The following ENTHD1 variants were observed in gnomAD, a reference collection of about 807,000 sequenced individuals.
ENTHD1 encodes the protein ENTH domain-containing protein 1.
Under a neutral mutation model 39.1 loss-of-function variants are expected in ENTHD1, and 23 were observed. The ratio of observed to expected loss-of-function variants is 0.59; its 90% CI spans 0.42 to 0.83. The LOEUF is 0.83. Among genes scored for constraint, ENTHD1 ranks in the 40% least tolerant of loss-of-function variants. The pLI, the probability that ENTHD1 is intolerant of heterozygous loss-of-function variation, is 0.00. For missense variants in ENTHD1, 624 were observed against 705.4 expected (o/e 0.88, Z 1.31); for synonymous variants, 230 against 258.2 (o/e 0.89, Z 1.05).
chr22:39,817,402 T>C (rs1002653845), intron 5 of ENTHD1, among the ~76,000 whole-genome samples: 1 of 152,102 alleles, frequency 6.6e-6, no homozygotes, highest in African/African-American at 2.4e-5. Flanking sequence ...ATATGGCAAA[T>C]CTCTACACAT....
In ENTHD1 at chr22:39,744,172, G is replaced by A. The variant is rs532011940; in HGVS notation, c.1331C>T (p.Pro444Leu). ...AHLLSPILAG[P>L]SFWTLSHQQL... The stretch of plus-strand genomic sequence containing the variant: ...TTGATGGGACAGAGTCCAGAAGGAA[G>A]GTCCGGCCAGAATTGGTGATAAGAG... Residue 444 changes from proline to leucine, a missense_variant, in exon 7 of 7, where the codon CCT becomes CTT. Pro to Leu is a moderately conservative substitution (Grantham distance 98). Transcript: ENST00000325157. 14 of 1,614,092 alleles carry A rather than the reference G, an allele frequency of 8.7e-6. 2 individuals are homozygous for A. The South Asian group carries it at 1.3e-4, about 15-fold the overall frequency.
intron 3 of ENTHD1, among the ~76,000 whole-genome samples, chr22:39,848,940 G>C (rs571162527): frequency 2.6e-5 from 4 of 152,108 alleles, no homozygotes; most frequent in African/African-American, 9.6e-5. Flanking sequence ...AAAATTATCC[G>C]AGTATTATTT....
At chr22:39,758,634 C>A (rs1219991033) in intron 6 of ENTHD1, among the ~76,000 whole-genome samples, 1 of 152,088 alleles carries the variant, frequency 6.6e-6, no homozygotes, top group Non-Finnish European at 1.5e-5. Context: ...CTATGTTGAC[C>A]ACTCTGATCT....
intron 3 of ENTHD1, among the ~76,000 whole-genome samples, chr22:39,847,355 C>G (rs1269372785): frequency 1.8e-5 from 2 of 114,250 alleles, no homozygotes; most frequent in South Asian, 5.6e-4. Context: ...GAACATCACA[C>G]TCTGGGGACT....
chr22:39,877,935 A>G (rs2066305085), intron 2 of ENTHD1, among the ~76,000 whole-genome samples: 1 of 152,204 alleles, frequency 6.6e-6, no homozygotes, highest in Non-Finnish European at 1.5e-5. Context: ...AAAGGAAAAA[A>G]TCACAGTTTG....
chr22:39,768,154 C>T (rs2065292631), intron 5 of ENTHD1, among the ~76,000 whole-genome samples: 1 of 152,172 alleles, frequency 6.6e-6, no homozygotes. Context: ...CCTTCATCCA[C>T]CCCTGCTGTC....
At chr22:39,753,068 T>C (rs1282171016) in intron 6 of ENTHD1, among the ~76,000 whole-genome samples, 2 of 152,114 alleles carry the variant, frequency 1.3e-5, no homozygotes, top group African/African-American at 4.8e-5. Context: ...GTGAAGACCA[T>C]GGTAAAAAAA....
intron 2 of ENTHD1, chr22:39,875,338 G>C: frequency 1.5e-6 from 2 of 1,334,310 alleles, no homozygotes; most frequent in Non-Finnish European, 1.9e-6. Flanking sequence ...CCGTCCTGTC[G>C]GCCACGTCCC....
At chr22:39,791,287 T>C (rs1277026066) in intron 5 of ENTHD1, among the ~76,000 whole-genome samples, 1 of 148,152 alleles carries the variant, frequency 6.7e-6, no homozygotes, top group African/African-American at 2.4e-5. Context: ...AGTTTTAGAC[T>C]ATATAGTTAG....
intron 2 of ENTHD1, among the ~76,000 whole-genome samples, chr22:39,885,721 C>T (rs1051151117): frequency 7.2e-5 from 11 of 152,162 alleles, no homozygotes; most frequent in Non-Finnish European, 1.3e-4. Flanking sequence ...GTGAAATAAG[C>T]GACACAAAAT....
At chr22:39,786,738 G>A (rs1415351106) in intron 5 of ENTHD1, among the ~76,000 whole-genome samples, 2 of 152,130 alleles carry the variant, frequency 1.3e-5, no homozygotes, top group Non-Finnish European at 2.9e-5. Flanking sequence ...ACTACTCTCT[G>A]CTTCTGTGAG....
chr22:39,822,215 G>A (rs1404786464), intron 4 of ENTHD1, among the ~76,000 whole-genome samples: 1 of 151,316 alleles, frequency 6.6e-6, no homozygotes, highest in Non-Finnish European at 1.5e-5. Flanking sequence ...CTGTGAACTA[G>A]GGATAATTTT....
chr22:39,748,811 C>A (rs1234782255), intron 6 of ENTHD1, among the ~76,000 whole-genome samples: 1 of 152,034 alleles, frequency 6.6e-6, no homozygotes, highest in East Asian at 1.9e-4. Context: ...TAAATTGATG[C>A]CAGTGGTTCT....
chr22:39,814,295 C>CAA (rs77915572), intron 5 of ENTHD1, among the ~76,000 whole-genome samples: 10 of 97,716 alleles, frequency 1.0e-4, no homozygotes, highest in East Asian at 2.8e-4. Flanking sequence ...CCCATCTCTA[C>CAA]AAAAAAAAAA....
intron 2 of ENTHD1, chr22:39,876,124 A>C: frequency 6.3e-7 from 1 of 1,583,106 alleles, no homozygotes; most frequent in Non-Finnish European, 8.6e-7. Flanking sequence ...AGAGACTTGG[A>C]CTCAAGTCAT....
intron 4 of ENTHD1, among the ~76,000 whole-genome samples, chr22:39,825,254 G>C (rs976494443): frequency 3.3e-5 from 5 of 152,094 alleles, no homozygotes; most frequent in African/African-American, 1.2e-4. Flanking sequence ...AAATGGTATT[G>C]TCTTAATTTA....
intron 5 of ENTHD1, among the ~76,000 whole-genome samples, chr22:39,808,647 AG>A (rs971471376): frequency 1.2e-4 from 18 of 152,190 alleles, no homozygotes; most frequent in African/African-American, 4.3e-4. Flanking sequence ...AATGGGAAAA[AG>A]TTTAGGTTGG....
At chr22:39,865,517 A>G (rs1414618609) in intron 2 of ENTHD1, among the ~76,000 whole-genome samples, 1 of 152,210 alleles carries the variant, frequency 6.6e-6, no homozygotes. Flanking sequence ...CTACTAAACA[A>G]TATGTTTCTG....
chr22:39,763,206 A>G (rs1381217485), intron 6 of ENTHD1, among the ~76,000 whole-genome samples: 1 of 152,132 alleles, frequency 6.6e-6, no homozygotes, highest in Non-Finnish European at 1.5e-5. Context: ...GGCTCCTCCC[A>G]TTTGCTATAT....
Sources: allele counts gnomAD v4.1 joint callset (sites outside exome capture counted in the v4.1 genomes callset), GRCh38; gene constraint gnomAD v4.1.1; transcripts MANE v1.5; gene names NCBI Gene and HGNC (gene_info 2026-07-23, HGNC 2026-07-21).